SORCS2: variants seen among roughly 807,000 people sequenced by gnomAD.
SORCS2 encodes sortilin related VPS10 domain containing receptor 2.
Under a neutral mutation model 141.6 loss-of-function variants are expected in SORCS2, and 100 were observed. The ratio of observed to expected loss-of-function variants is 0.71; its 90% CI spans 0.60 to 0.83. The LOEUF is 0.83. Among genes scored for constraint, SORCS2 ranks in the 40% least tolerant of loss-of-function variants. The pLI is 0.00. For missense variants in SORCS2, 1,646 were observed against 1,560.2 expected (o/e 1.05, Z -0.93); for synonymous variants, 789 against 676.9 (o/e 1.17, Z -2.57).
chr4:7,536,359 G>A (rs561809384), intron 3 of SORCS2, among the ~76,000 whole-genome samples: 10 of 152,326 alleles, frequency 6.6e-5, no homozygotes, highest in African/African-American at 2.4e-4. Context: ...GTGGGAACTC[G>A]GGCTGATTTG....
intron 1 of SORCS2, among the ~76,000 whole-genome samples, chr4:7,237,652 A>G (rs1396404821): frequency 6.6e-6 from 1 of 152,100 alleles, no homozygotes; most frequent in Admixed American, 6.5e-5. Flanking sequence ...CTATGTCCTG[A>G]AATGTTAAGT....
intron 2 of SORCS2, among the ~76,000 whole-genome samples, chr4:7,497,935 G>GT: frequency 1.3e-5 from 2 of 152,250 alleles, no homozygotes; most frequent in Non-Finnish European, 2.9e-5. Flanking sequence ...TTTCACTGAA[G>GT]GGGGTGAAGA....
chr4:7,306,733 G>A (rs1017581793), intron 1 of SORCS2, among the ~76,000 whole-genome samples: 3 of 152,166 alleles, frequency 2.0e-5, no homozygotes, highest in Admixed American at 1.3e-4. Flanking sequence ...TCCTGTGGAC[G>A]GATCTCCATG....
chr4:7,543,406 CCCATCCATCTAT>C (rs1443998503), intron 3 of SORCS2, among the ~76,000 whole-genome samples: 7 of 81,822 alleles, frequency 8.6e-5, no homozygotes, highest in African/African-American at 1.8e-4. Flanking sequence ...CATCCATCCA[CCCATCCATCTAT>C]CCATCCATCC....
intron 18 of SORCS2, 125 bp from the exon 19 acceptor site, chr4:7,723,572 A>T: frequency 9.2e-7 from 1 of 1,092,026 alleles, no homozygotes; most frequent in Non-Finnish European, 1.4e-6. Context: ...CCCAGAGCCC[A>T]CTCATGTCAA....
chr4:7,392,917 C>G (rs1200063604), intron 1 of SORCS2, among the ~76,000 whole-genome samples: 3 of 147,352 alleles, frequency 2.0e-5, no homozygotes, highest in African/African-American at 7.5e-5. Flanking sequence ...GGGGGTGCTG[C>G]GAGAGAGTGG....
chr4:7,288,760 C>A (rs796617923), intron 1 of SORCS2, among the ~76,000 whole-genome samples: 3 of 116,846 alleles, frequency 2.6e-5, no homozygotes, highest in Non-Finnish European at 4.9e-5. Context: ...ACATTGGCAG[C>A]GAGGGCATCA....
Position 7,639,839 on chromosome 4 carries a change from ATGTG to A in SORCS2, c.813+1350_813+1353del, listed in dbSNP as rs563862755. ...TGTGAGGGTGTGTTTTAGTGTGTAA[ATGTG>A]TGGGTGTGAGGGTGTGTGTGATTGC... On this transcript the variant is annotated intron_variant, in intron 4 of 26. Transcript: ENST00000507866. Among the ~76,000 whole-genome samples the A allele has an allele frequency of 4.2e-3, 612 of 144,606 alleles. 7 individuals are homozygous for A. Among genetic ancestry groups the A allele is most frequent in the African/African-American group, 0.015 (574 of 39,274 alleles). 94.9% of individuals were successfully genotyped at this position (144,606 alleles called of 152,430 possible).
At chr4:7,463,014 C>T (rs144187905) in intron 2 of SORCS2, among the ~76,000 whole-genome samples, 174 of 152,054 alleles carry the variant, frequency 1.1e-3, no homozygotes, top group Non-Finnish European at 2.0e-3. Context: ...TCTCTGCCAC[C>T]GTATCTCAGC....
intron 2 of SORCS2, among the ~76,000 whole-genome samples, chr4:7,430,061 C>T (rs1045048623): frequency 2.6e-5 from 4 of 152,062 alleles, no homozygotes; most frequent in Non-Finnish European, 5.9e-5. Context: ...GCCCGCTTCT[C>T]GTTGTAAGGA....
At chr4:7,393,007 T>G (rs1723964886) in intron 1 of SORCS2, among the ~76,000 whole-genome samples, 1 of 151,998 alleles carries the variant, frequency 6.6e-6, no homozygotes, top group Non-Finnish European at 1.5e-5. Context: ...TTTGGTGACA[T>G]GGCTTTGGGA....
intron 2 of SORCS2, among the ~76,000 whole-genome samples, chr4:7,463,804 C>T (rs1018881898): frequency 1.3e-5 from 2 of 152,144 alleles, no homozygotes; most frequent in East Asian, 1.9e-4. Context: ...AGCCCTGCGC[C>T]GCCTACATAC....
At position 7,715,389 on chromosome 4, in the gene SORCS2, G is replaced by T. The variant is rs559830534; in HGVS notation, c.2252+78G>T. 21 of 1,573,638 alleles carry T rather than the reference G, an allele frequency of 1.3e-5. 1 individual carries two copies. In the South Asian group the frequency reaches 2.4e-4, roughly 18 times the overall value. On this transcript the variant is annotated intron_variant, in intron 17 of 26. Transcript: ENST00000507866. ...TGCAGCCCCGAAACCACGCCTTCCTGGCTGGTGCCTGCAGCTCCCAACTCC... is the reference window on the plus strand; with the variant it reads ...TGCAGCCCCGAAACCACGCCTTCCTTGCTGGTGCCTGCAGCTCCCAACTCC...
intron 1 of SORCS2, among the ~76,000 whole-genome samples, chr4:7,244,094 C>T (rs975020849): frequency 5.9e-5 from 9 of 152,302 alleles, no homozygotes; most frequent in African/African-American, 1.9e-4. Flanking sequence ...CTGCATGGAA[C>T]GGGAAAGAGG....
intron 2 of SORCS2, among the ~76,000 whole-genome samples, chr4:7,421,621 C>T (rs1726065746): frequency 6.6e-6 from 1 of 152,150 alleles, no homozygotes; most frequent in South Asian, 2.1e-4. Flanking sequence ...CCCCATAACT[C>T]CCTTTGTGTG....
chr4:7,456,704 A>G (rs1474002368), intron 2 of SORCS2, among the ~76,000 whole-genome samples: 4 of 152,120 alleles, frequency 2.6e-5, no homozygotes, highest in Non-Finnish European at 4.4e-5. Context: ...GGAGATCTGA[A>G]CAGAGGGAAC....
At chr4:7,565,790 T>TATGATGATG (rs1186296706) in intron 3 of SORCS2, among the ~76,000 whole-genome samples, 1 of 149,352 alleles carries the variant, frequency 6.7e-6, no homozygotes, top group Non-Finnish European at 1.5e-5. Flanking sequence ...TGATGATGGA[T>TATGATGATG]ATGATGATGA....
At chr4:7,520,075 T>C (rs13117257) in intron 2 of SORCS2, among the ~76,000 whole-genome samples, 47,221 of 152,008 alleles carry the variant, frequency 0.31, 7,974 homozygotes, top group Middle Eastern at 0.41. Context: ...TGAGGGCCCT[T>C]GGGGGCTGTA....
At chr4:7,473,223 T>C (rs1424291724) in intron 2 of SORCS2, among the ~76,000 whole-genome samples, 2 of 152,108 alleles carry the variant, frequency 1.3e-5, no homozygotes. Flanking sequence ...GTTTGCCAAG[T>C]TGAATGTAAG....
Sources: allele counts gnomAD v4.1 joint callset (sites outside exome capture counted in the v4.1 genomes callset), GRCh38; gene constraint gnomAD v4.1.1; transcripts MANE v1.5; gene names NCBI Gene and HGNC (gene_info 2026-07-23, HGNC 2026-07-21).